The following MACROD1 variants were observed in gnomAD, a reference collection of about 807,000 sequenced individuals.
MACROD1 encodes the protein ADP-ribose glycohydrolase MACROD1.
In MACROD1, 31 loss-of-function variants were observed where a neutral mutation model predicts 41.4. The observed-to-expected ratio is 0.75, with a 90% CI of 0.56 to 1.01. The LOEUF is 1.01. MACROD1 is among the 50% of genes least tolerant of loss of function. The pLI, the probability that MACROD1 is intolerant of heterozygous loss-of-function variation, is 0.00. For missense variants in MACROD1, 473 were observed against 460.0 expected (o/e 1.03, Z -0.26); for synonymous variants, 252 against 203.4 (o/e 1.24, Z -2.03).
At chr11:64,086,598 C>T (rs115840612) in intron 3 of MACROD1, among the ~76,000 whole-genome samples, 1,752 of 152,236 alleles carry the variant, frequency 0.012, 29 homozygotes, top group African/African-American at 0.038. Context: ...AGCGGTTCTG[C>T]GACTGGGGTG....
At chr11:63,999,275 G>A in intron 8 of MACROD1, 56 bp downstream of exon 8, 5 of 1,526,706 alleles carry the variant, frequency 3.3e-6, no homozygotes, top group Non-Finnish European at 4.4e-6. Flanking sequence ...CGATGATGGG[G>A]GCTGGTCACT....
chr11:64,162,630 C>G (rs1945773289), intron 1 of MACROD1, among the ~76,000 whole-genome samples: 1 of 150,920 alleles, frequency 6.6e-6, no homozygotes, highest in Admixed American at 6.6e-5. Flanking sequence ...CTGGCTAACA[C>G]AGTGAAACCC....
intron 1 of MACROD1, among the ~76,000 whole-genome samples, chr11:64,156,279 T>C (rs981298802): frequency 1.3e-5 from 2 of 152,168 alleles, no homozygotes; most frequent in Non-Finnish European, 2.9e-5. Flanking sequence ...AGACCTTGTC[T>C]CTAAATAAAT....
chr11:64,003,509 G>GT (rs1159432083), intron 4 of MACROD1, among the ~76,000 whole-genome samples: 2 of 152,160 alleles, frequency 1.3e-5, no homozygotes, highest in Non-Finnish European at 2.9e-5. Context: ...GTGAGCCTGT[G>GT]TTTTTTTGAG....
intron 4 of MACROD1, among the ~76,000 whole-genome samples, chr11:64,000,575 G>A (rs576804566): frequency 3.7e-4 from 56 of 152,004 alleles, no homozygotes; most frequent in African/African-American, 1.2e-3. Context: ...AGTCGCGCAA[G>A]GAGGCCGGCA....
chr11:64,027,665 C>G lies in MACROD1; in HGVS notation c.518-12384G>C, dbSNP rs1388538553. Among the ~76,000 whole-genome samples, 6 of 152,278 alleles carry G rather than the reference C, an allele frequency of 3.9e-5. No homozygotes were observed. In the South Asian group the frequency reaches 1.2e-3, roughly 32 times the overall value. On this transcript the variant is annotated intron_variant, in intron 3 of 10. Transcript: ENST00000255681. ...CACCCAGAGGCTCAGGTCTTAACCT[C>G]TGGGGTTATAGGTTATAGCCTCCCC... is the stretch of plus-strand genomic sequence containing the variant.
At chr11:64,040,025 CTCATTCAT>C (rs992718465) in intron 3 of MACROD1, among the ~76,000 whole-genome samples, 3 of 152,224 alleles carry the variant, frequency 2.0e-5, no homozygotes, top group East Asian at 1.9e-4. Context: ...TCCTTTCCTG[CTCATTCAT>C]TCATTCATTC....
At chr11:64,099,405 G>C (rs543905478) in intron 3 of MACROD1, among the ~76,000 whole-genome samples, 1 of 152,372 alleles carries the variant, frequency 6.6e-6, no homozygotes, top group Non-Finnish European at 1.5e-5. Flanking sequence ...ATTAGACTCA[G>C]AATATGTTTG....
At chr11:64,047,927 G>A (rs1565208554) in intron 3 of MACROD1, among the ~76,000 whole-genome samples, 1 of 151,568 alleles carries the variant, frequency 6.6e-6, no homozygotes, top group Non-Finnish European at 1.5e-5. Flanking sequence ...GAAGGAAGCA[G>A]GAAAGCAGAG....
rs375958290 is a variant in MACROD1, at chr11:64,015,301, A to G, written c.518-20T>C. ...TGTTGGCTGCAAGAGAGAGAGACAA[A>G]GGCAGATCAGTGGGGAAGGGGCTGC... On this transcript the variant is annotated intron_variant, in intron 3 of 10. Coordinates refer to ENST00000255681, the MANE Select transcript of MACROD1 (RefSeq NM_014067.4). 6.2e-7 allele frequency: 1 copy of G among 1,602,408 alleles called. No individual in the cohort carries two copies. Among genetic ancestry groups the G allele is most frequent in the Admixed American group, 1.7e-5 (1 of 58,638 alleles).
intron 3 of MACROD1, among the ~76,000 whole-genome samples, chr11:64,025,812 C>T (rs533271919): frequency 2.0e-5 from 3 of 151,846 alleles, no homozygotes; most frequent in African/African-American, 4.8e-5. Context: ...CATGACCTCC[C>T]GGGCTCAAGA....
intron 3 of MACROD1, among the ~76,000 whole-genome samples, chr11:64,063,903 G>A (rs1452999307): frequency 6.6e-6 from 1 of 152,208 alleles, no homozygotes; most frequent in African/African-American, 2.4e-5. Context: ...GGGACCAGCC[G>A]GGCCCTCCCC....
At chr11:64,068,752 G>A (rs902258795) in intron 3 of MACROD1, among the ~76,000 whole-genome samples, 3 of 152,236 alleles carry the variant, frequency 2.0e-5, no homozygotes, top group Non-Finnish European at 4.4e-5. Context: ...TAGCCTGGGA[G>A]CCCAGATAAT....
At position 64,076,618 on chromosome 11, in the gene MACROD1, C is replaced by G. The variant is rs542931138; in HGVS notation, c.518-61337G>C. Among the ~76,000 whole-genome samples the G allele has an allele frequency of 2.6e-5, 4 of 152,316 alleles. No homozygotes were observed. In the East Asian group the frequency reaches 7.7e-4, roughly 29 times the overall value. ...CTTATTGGACAGATACTATCATTAT[C>G]TCCATTTTCCAGAGGAGGAAGCTGA... On this transcript the variant is annotated intron_variant, in intron 3 of 10. Coordinates refer to ENST00000255681, the MANE Select transcript of MACROD1 (RefSeq NM_014067.4).
Position 64,096,839 on chromosome 11 carries a change from A to C in MACROD1, c.517+54400T>G, listed in dbSNP as rs1944585377. ...CCGTGTCCCCATACCCTCCAAGCACACTGCCAGCTGTGTCCCTTCGAGGGC... is the reference window on the plus strand; with the variant it reads ...CCGTGTCCCCATACCCTCCAAGCACCCTGCCAGCTGTGTCCCTTCGAGGGC... On this transcript the variant is annotated intron_variant, in intron 3 of 10. Transcript: ENST00000255681. This position sits in a 1 kb window ranked among gnomAD's most constrained non-coding sequence, Gnocchi z 4.6. 6.6e-6 allele frequency among the ~76,000 whole-genome samples: 1 copy of C among 152,168 alleles called. No homozygotes were observed. The highest frequency in any genetic ancestry group is 1.5e-5 in the Non-Finnish European group (1 of 68,022).
chr11:64,086,327 G>A (rs980866103), intron 3 of MACROD1, among the ~76,000 whole-genome samples: 1 of 152,066 alleles, frequency 6.6e-6, no homozygotes, highest in African/African-American at 2.4e-5. Context: ...ACAGCCTGGG[G>A]TGTGCAGTTC....
chr11:64,009,241 A>T (rs1942964622), intron 4 of MACROD1: 1 of 152,168 alleles, frequency 6.6e-6, no homozygotes, highest in South Asian at 2.1e-4. Flanking sequence ...AGAGTGTTTT[A>T]AAAAATGTTT....
At chr11:64,068,907 G>A (rs1200486752) in intron 3 of MACROD1, among the ~76,000 whole-genome samples, 1 of 152,224 alleles carries the variant, frequency 6.6e-6, no homozygotes, top group African/African-American at 2.4e-5. Context: ...GCGGGAAATG[G>A]GCATCCGTGT....
intron 3 of MACROD1, among the ~76,000 whole-genome samples, chr11:64,034,525 A>T (rs1391430789): frequency 1.3e-5 from 2 of 152,254 alleles, no homozygotes; most frequent in Non-Finnish European, 2.9e-5. Context: ...GGGCAAAGAC[A>T]GGCGCATGCA....
Sources: allele counts gnomAD v4.1 joint callset (sites outside exome capture counted in the v4.1 genomes callset), GRCh38; gene constraint gnomAD v4.1.1; non-coding constraint Gnocchi (gnomAD v3.1); transcripts MANE v1.5; gene names NCBI Gene and HGNC (gene_info 2026-07-23, HGNC 2026-07-21).